The following ATP6V0E2 variants were observed in gnomAD, a reference collection of about 807,000 sequenced individuals.
The protein encoded by ATP6V0E2 is V-type proton ATPase subunit e 2.
Under a neutral mutation model 11.5 loss-of-function variants are expected in ATP6V0E2, and 4 were observed. That is an observed-to-expected ratio of 0.35 (90% CI 0.17 to 0.80). The LOEUF (loss-of-function observed/expected upper bound fraction) is 0.80, where lower values mean the gene tolerates loss of function less well. Among genes scored for constraint, ATP6V0E2 ranks in the 30% least tolerant of loss-of-function variants. ATP6V0E2 has a pLI of 0.53. For missense variants in ATP6V0E2, 93 were observed against 113.5 expected (o/e 0.82, Z 0.82); for synonymous variants, 52 against 51.0 (o/e 1.02, Z -0.09).
intron 2 of ATP6V0E2, 50 bp downstream of exon 2, chr7:149,875,695 C>T: frequency 1.4e-5 from 21 of 1,549,816 alleles, no homozygotes; most frequent in Non-Finnish European, 1.8e-5. Context: ...TTTGTCCTCC[C>T]TCCTTTCCTC....
upstream of ATP6V0E2, chr7:149,873,697 G>A (rs2128946841): frequency 1.8e-6 from 1 of 550,420 alleles, no homozygotes; most frequent in East Asian, 3.5e-5. Context: ...AAAGACCGCT[G>A]GGGTGGGACC....
chr7:149,877,874 T>C (rs1306566573), intron 2 of ATP6V0E2, among the ~76,000 whole-genome samples: 1 of 152,218 alleles, frequency 6.6e-6, no homozygotes, highest in Non-Finnish European at 1.5e-5. Context: ...TTACAAAACA[T>C]AAACTCGGAG....
chr7:149,874,028 T>G lies in ATP6V0E2; in HGVS notation c.-38T>G. The G allele has an allele frequency of 6.5e-7, 1 of 1,548,702 alleles. No homozygotes were observed. The highest frequency in any genetic ancestry group is 8.7e-7 in the Non-Finnish European group (1 of 1,146,280). ...CCCGCGCACCTGCAGCGCCCGCTGC[T>G]CGGCCCTGCATCCTGCCTGGGCATC... On this transcript the variant is annotated 5_prime_UTR_variant, in exon 1 of 4. Coordinates refer to ENST00000425642, the MANE Select transcript of ATP6V0E2 (RefSeq NM_145230.4).
intron 1 of ATP6V0E2, chr7:149,875,052 TTGAC>T (rs1337870092): frequency 5.8e-5 from 9 of 154,234 alleles, no homozygotes; most frequent in Admixed American, 3.8e-4. Flanking sequence ...TTGCTTCAGT[TTGAC>T]TGAAATTTCT....
intron 2 of ATP6V0E2, among the ~76,000 whole-genome samples, chr7:149,878,411 C>A (rs765530483): frequency 6.6e-6 from 1 of 152,174 alleles, no homozygotes; most frequent in Non-Finnish European, 1.5e-5. Flanking sequence ...TGCCTCCCCT[C>A]TTCTCTAACC....
intron 2 of ATP6V0E2, among the ~76,000 whole-genome samples, chr7:149,878,046 C>T (rs150873568): frequency 6.6e-6 from 1 of 152,332 alleles, no homozygotes; most frequent in East Asian, 1.9e-4. Flanking sequence ...AGGTCAGGCA[C>T]TGACAGAGCG....
Position 149,878,631 on chromosome 7 carries a change from G to A in ATP6V0E2, c.153-47G>A, listed in dbSNP as rs773874016. On this transcript the variant is annotated intron_variant, in intron 2 of 3. Coordinates refer to ENST00000425642, the MANE Select transcript of ATP6V0E2 (RefSeq NM_145230.4). ...TGACCGAGGCCTCCCCTGGGTGTGG[G>A]AGGACCCTCCTGTGCCAGGCTCACC... is the stretch of plus-strand genomic sequence containing the variant. 4.5e-6 allele frequency: 7 copies of A among 1,558,414 alleles called. No homozygotes were observed. In the South Asian group the frequency reaches 6.8e-5, roughly 15 times the overall value.
chr7:149,875,593 T>C lies in ATP6V0E2; in HGVS notation c.105-5T>C, dbSNP rs367724684. The stretch of plus-strand genomic sequence containing the variant: ...TGTTCTGACCCGTGTCCTCTTCTGC[T>C]GCAGAGTGATCATCACCATGCTGGT... On this transcript the variant is annotated splice_polypyrimidine_tract_variant and splice_region_variant and intron_variant, in intron 1 of 3. Transcript: ENST00000425642. The C allele has an allele frequency of 1.2e-6, 2 of 1,613,822 alleles. No homozygotes were observed. Among genetic ancestry groups the C allele is most frequent in the African/African-American group, 2.7e-5 (2 of 75,046 alleles).
chr7:149,879,274 G>A (rs1211029827), intron 3 of ATP6V0E2, 61 bp from the exon 4 acceptor site: 15 of 1,429,486 alleles, frequency 1.0e-5, no homozygotes, highest in Non-Finnish European at 1.4e-5. Flanking sequence ...TCCAGGGAGG[G>A]TTGGGGGCAG....
chr7:149,878,293 T>C (rs1803257868), intron 2 of ATP6V0E2, among the ~76,000 whole-genome samples: 1 of 152,222 alleles, frequency 6.6e-6, no homozygotes, highest in Admixed American at 6.5e-5. Context: ...TCTGACGTGC[T>C]GCCCGCCAGG....
At position 149,875,601 on chromosome 7, in the gene ATP6V0E2, G is replaced by C. The variant is rs1366399937; in HGVS notation, c.108G>C (p.Val36=). The C allele has an allele frequency of 1.2e-6, 2 of 1,613,746 alleles. No homozygotes were observed. Among genetic ancestry groups the C allele is most frequent in the Non-Finnish European group, 1.7e-6 (2 of 1,179,876 alleles). Residue 36 remains valine (V), a synonymous_variant, in exon 2 of 4, where the codon GTG becomes GTC. Coordinates refer to ENST00000425642, the MANE Select transcript of ATP6V0E2 (RefSeq NM_145230.4). ...CCCGTGTCCTCTTCTGCTGCAGAGT[G>C]ATCATCACCATGCTGGTCGCCACCG... is the stretch of plus-strand genomic sequence containing the variant. ...WFVPKGPNRG[V]IITMLVATAV...
Position 149,873,994 on chromosome 7 carries a change from G to C in ATP6V0E2, c.-72G>C. 1.3e-6 allele frequency: 2 copies of C among 1,545,246 alleles called. No homozygotes were observed. Among genetic ancestry groups the C allele is most frequent in the Non-Finnish European group, 1.7e-6 (2 of 1,145,616 alleles). On this transcript the variant is annotated 5_prime_UTR_variant, in exon 1 of 4. Coordinates refer to ENST00000425642, the MANE Select transcript of ATP6V0E2 (RefSeq NM_145230.4). ...GTTGCGCATGCTCAGCGCGCTGCCC[G>C]GCTGGGGACCCGCGCACCTGCAGCG...
Position 149,879,670 on chromosome 7 carries a change from C to T in ATP6V0E2, c.*355C>T. ...ACGGGGCAGATGCCAGGACTCAGCCCATCCTGAGGAGGACACGTGTCCTCA... is the reference window on the plus strand; with the variant it reads ...ACGGGGCAGATGCCAGGACTCAGCCTATCCTGAGGAGGACACGTGTCCTCA... On this transcript the variant is annotated 3_prime_UTR_variant, in exon 4 of 4. Coordinates refer to ENST00000425642, the MANE Select transcript of ATP6V0E2 (RefSeq NM_145230.4). 1 of 1,437,112 alleles carries T rather than the reference C, an allele frequency of 7.0e-7. No homozygotes were observed. Among genetic ancestry groups the T allele is most frequent in the Non-Finnish European group, 9.2e-7 (1 of 1,090,580 alleles). 89.0% of individuals were successfully genotyped at this position (1,437,112 alleles called of 1,614,324 possible). A position where few individuals can be genotyped will look rare whatever the true frequency, so the allele number is the denominator to read the frequency against.
chr7:149,879,722 G>A lies in ATP6V0E2; in HGVS notation c.*407G>A, dbSNP rs774939610. 34 of 1,323,230 alleles carry A rather than the reference G, an allele frequency of 2.6e-5. No individual in the cohort carries two copies. Among genetic ancestry groups the A allele is most frequent in the Non-Finnish European group, 3.3e-5 (34 of 1,022,700 alleles). 82.0% of individuals were successfully genotyped at this position (1,323,230 alleles called of 1,614,324 possible). A position where few individuals can be genotyped will look rare whatever the true frequency, so the allele number is the denominator to read the frequency against. ...GGAGAGGGTGCTCCGGCCCAGGCGG[G>A]GGAGTCAGTGCCCAGTCAGCAGCTC... On this transcript the variant is annotated 3_prime_UTR_variant, in exon 4 of 4. Coordinates refer to ENST00000425642, the MANE Select transcript of ATP6V0E2 (RefSeq NM_145230.4).
chr7:149,875,863 G>C, intron 2 of ATP6V0E2: 1 of 686,888 alleles, frequency 1.5e-6, no homozygotes, highest in South Asian at 1.5e-5. Flanking sequence ...TGCCCCCAGA[G>C]TTCTGGCCCC....
intron 2 of ATP6V0E2, among the ~76,000 whole-genome samples, chr7:149,877,677 A>T: frequency 6.6e-6 from 1 of 150,794 alleles, no homozygotes; most frequent in African/African-American, 2.4e-5. Flanking sequence ...TGCCCATGGC[A>T]GGGCCTCAGA....
rs764371935 is a variant in ATP6V0E2 at position 149,879,451 on chromosome 7, C to G, written c.*136C>G. ...TCCCTCCTGCTGGCACCCAGAGACC[C>G]GGACCCGCAGGGCCTGCCTGGTTCC... On this transcript the variant is annotated 3_prime_UTR_variant, in exon 4 of 4. Transcript: ENST00000425642. 2 of 1,598,268 alleles carry G rather than the reference C, an allele frequency of 1.3e-6. No homozygotes were observed. Among genetic ancestry groups the G allele is most frequent in the East Asian group, 2.3e-5 (1 of 43,542 alleles).
chr7:149,875,663 C>G lies in ATP6V0E2; in HGVS notation c.152+18C>G, dbSNP rs373442819. ...TACCTCTTGTAAGTACTACTCTCCC[C>G]AGCTCAAAGTCAGCCAGTTCCTTTG... On this transcript the variant is annotated intron_variant, in intron 2 of 3. Coordinates refer to ENST00000425642, the MANE Select transcript of ATP6V0E2 (RefSeq NM_145230.4). 55 of 1,611,580 alleles carry G rather than the reference C, an allele frequency of 3.4e-5. 1 individual carries two copies. In the African/African-American group the frequency reaches 7.1e-4, roughly 21 times the overall value.
At chr7:149,873,931 G>A, upstream of ATP6V0E2, 3 of 1,527,544 alleles carry the variant, frequency 2.0e-6, no homozygotes, top group African/African-American at 1.4e-5. Context: ...GCGCGTGCGC[G>A]GCCCGGCCCG....
Sources: allele counts gnomAD v4.1 joint callset (sites outside exome capture counted in the v4.1 genomes callset), GRCh38; gene constraint gnomAD v4.1.1; transcripts MANE v1.5; gene names NCBI Gene and HGNC (gene_info 2026-07-23, HGNC 2026-07-21).